Variants in ZNF385D observed in about 807,000 individuals in gnomAD.
ZNF385D encodes the protein zinc finger protein 659.
A neutral mutation model predicts 35.8 loss-of-function variants in ZNF385D; 15 were observed. That is an observed-to-expected ratio of 0.42 (90% CI 0.28 to 0.64). The LOEUF (loss-of-function observed/expected upper bound fraction) is 0.64. Among genes scored for constraint, ZNF385D ranks in the 30% least tolerant of loss-of-function variants. The probability of loss-of-function intolerance (pLI) is 0.23; values close to 1 mark genes in which losing one functional copy is unlikely to be tolerated. For synonymous variants in ZNF385D, 212 were observed against 186.8 expected, an observed-to-expected ratio of 1.13 and a Z score of -1.10; for missense variants, 474 against 494.6, an observed-to-expected ratio of 0.96 and a Z score of 0.39.
Position 21,466,364 on chromosome 3 carries a change from A to G in ZNF385D, c.440-29161T>C, listed in dbSNP as rs183644256. On this transcript the variant is annotated intron_variant, in intron 4 of 7. Coordinates refer to ENST00000281523, the MANE Select transcript of ZNF385D (RefSeq NM_024697.3). Reference sequence around the variant, plus strand: ...AAGTTTATTCTTTTCCTTGAAAAGAATAACAAACTTCAAATGTTATGTTAC... The same window carrying G: ...AAGTTTATTCTTTTCCTTGAAAAGAGTAACAAACTTCAAATGTTATGTTAC... Among the ~76,000 whole-genome samples, 42 of 152,300 alleles carry G rather than the reference A, an allele frequency of 2.8e-4. 1 individual carries two copies. The highest frequency in any genetic ancestry group is 2.4e-3 in the Admixed American group (37 of 15,292).
chr3:22,073,888 C>A (rs1304060978), intron 3 of ZNF385D, among the ~76,000 whole-genome samples: 1 of 151,910 alleles, frequency 6.6e-6, no homozygotes, highest in Non-Finnish European at 1.5e-5. Context: ...TTGTTTTATG[C>A]CATTCATGAA....
chr3:21,851,790 C>T (rs576991893), intron 3 of ZNF385D, among the ~76,000 whole-genome samples: 1 of 151,982 alleles, frequency 6.6e-6, no homozygotes, highest in South Asian at 2.1e-4. Flanking sequence ...TGTAGTCTCT[C>T]ATTTTATCCT....
chr3:21,911,766 T>C (rs1699975466), intron 3 of ZNF385D, among the ~76,000 whole-genome samples: 1 of 151,970 alleles, frequency 6.6e-6, no homozygotes, highest in Non-Finnish European at 1.5e-5. Context: ...GGGATTTTAC[T>C]ATGTACCTAT....
intron 2 of ZNF385D, among the ~76,000 whole-genome samples, chr3:22,264,362 C>T (rs1035993640): frequency 2.0e-5 from 3 of 152,016 alleles, no homozygotes; most frequent in African/African-American, 7.2e-5. Context: ...ACGCCAATCC[C>T]ACTGAAAGTG....
intron 3 of ZNF385D, among the ~76,000 whole-genome samples, chr3:21,839,814 T>G (rs1018963536): frequency 1.3e-5 from 2 of 151,990 alleles, no homozygotes; most frequent in African/African-American, 4.8e-5. Flanking sequence ...TGACCCTCAT[T>G]ACTCCCACAT....
chr3:22,091,153 G>C (rs1456147662), intron 3 of ZNF385D, among the ~76,000 whole-genome samples: 1 of 152,092 alleles, frequency 6.6e-6, no homozygotes, highest in Non-Finnish European at 1.5e-5. Flanking sequence ...AGCTTGTAAA[G>C]CTGCAGGTGG....
At chr3:22,015,311 G>A (rs1696816755) in intron 3 of ZNF385D, among the ~76,000 whole-genome samples, 1 of 152,100 alleles carries the variant, frequency 6.6e-6, no homozygotes, top group African/African-American at 2.4e-5. Flanking sequence ...CATGCGCATT[G>A]CACTATGATT....
chr3:22,250,265 C>A (rs1287609417), intron 2 of ZNF385D, among the ~76,000 whole-genome samples: 3 of 151,892 alleles, frequency 2.0e-5, no homozygotes, highest in Non-Finnish European at 4.4e-5. Flanking sequence ...TGTATTCTAT[C>A]TTTTTAAATA....
chr3:22,118,739 C>G (rs972606120), intron 3 of ZNF385D, among the ~76,000 whole-genome samples: 1 of 152,000 alleles, frequency 6.6e-6, no homozygotes, highest in East Asian at 1.9e-4. Flanking sequence ...TGACCTAGCA[C>G]CTCTTCTGTT....
chr3:21,859,879 G>C (rs1324606925), intron 3 of ZNF385D, among the ~76,000 whole-genome samples: 1 of 152,012 alleles, frequency 6.6e-6, no homozygotes, highest in Non-Finnish European at 1.5e-5. Context: ...TCTTCCCGAA[G>C]ATTCATGCAT....
At chr3:21,903,904 G>A (rs1212197207) in intron 3 of ZNF385D, among the ~76,000 whole-genome samples, 1 of 152,104 alleles carries the variant, frequency 6.6e-6, no homozygotes, top group Non-Finnish European at 1.5e-5. Flanking sequence ...CACTCAATAT[G>A]AGCCTCTGGA....
In ZNF385D at chr3:22,195,870, C is replaced by T. The variant is rs140444649; in HGVS notation, c.107-26835G>A. ...AAAAAGAACAAGATCATGTTCTTTG[C>T]AGGGACGTGGATGGAGCTGGAGAGT... On this transcript the variant is annotated intron_variant, in intron 2 of 5. Coordinates refer to the ZNF385D transcript ENST00000494108. 9.9e-4 allele frequency among the ~76,000 whole-genome samples: 150 copies of T among 152,056 alleles called. 4 individuals carry two copies. In the East Asian group the frequency reaches 0.025, roughly 25 times the overall value.
At chr3:21,904,940 A>T (rs1237769175) in intron 3 of ZNF385D, among the ~76,000 whole-genome samples, 3 of 152,132 alleles carry the variant, frequency 2.0e-5, no homozygotes, top group African/African-American at 7.2e-5. Flanking sequence ...ATATGGGTTT[A>T]TCTGAAAGTA....
chr3:22,008,530 G>T (rs2125430769), intron 3 of ZNF385D, among the ~76,000 whole-genome samples: 1 of 152,068 alleles, frequency 6.6e-6, no homozygotes. Context: ...CTAATTTTTT[G>T]TATTTTTAGT....
chr3:21,947,087 T>A (rs1007139311), intron 3 of ZNF385D, among the ~76,000 whole-genome samples: 2 of 152,168 alleles, frequency 1.3e-5, no homozygotes, highest in Admixed American at 6.5e-5. Context: ...AAATGGAATT[T>A]TGGGGTCAAA....
intron 3 of ZNF385D, among the ~76,000 whole-genome samples, chr3:22,077,889 G>GA (rs1269446883): frequency 2.6e-5 from 4 of 152,054 alleles, no homozygotes; most frequent in African/African-American, 9.6e-5. Flanking sequence ...TCCACTTGTA[G>GA]AAAATGCTCA....
chr3:22,260,203 A>C (rs1238095684), intron 2 of ZNF385D, among the ~76,000 whole-genome samples: 1 of 151,990 alleles, frequency 6.6e-6, no homozygotes, highest in Non-Finnish European at 1.5e-5. Flanking sequence ...TATCCAAGAA[A>C]TGGAAGCCTT....
chr3:21,957,300 C>A (rs1039324841), intron 3 of ZNF385D: 3 of 153,484 alleles, frequency 2.0e-5, no homozygotes, highest in African/African-American at 7.2e-5. Flanking sequence ...GGGAGTGGAG[C>A]ATTGCTGAAA....
intron 3 of ZNF385D, chr3:21,511,852 G>C: frequency 2.2e-6 from 1 of 451,816 alleles, no homozygotes. Context: ...GAGCGGTATA[G>C]TGAAATACAT....
Sources: gnomAD v4.1 joint callset for allele counts (sites outside exome capture counted in the v4.1 genomes callset) on GRCh38, gnomAD v4.1.1 for gene constraint, MANE v1.5 for transcripts, NCBI Gene and HGNC (gene_info 2026-07-23, HGNC 2026-07-21) for gene names.